Variants in LCORL observed in about 807,000 individuals in gnomAD.
The protein encoded by LCORL is ligand dependent nuclear receptor corepressor like.
In LCORL, 41 loss-of-function variants were observed where a neutral mutation model predicts 141.8. The ratio of observed to expected loss-of-function variants is 0.29; its 90% CI spans 0.23 to 0.38. LCORL has a LOEUF of 0.38. Among genes scored for constraint, LCORL ranks in the 10% least tolerant of loss-of-function variants. LCORL has a pLI of 1.00. For missense variants in LCORL, 1,759 were observed against 2,035.0 expected, an observed-to-expected ratio of 0.86 and a Z score of 2.61; for synonymous variants, 618 against 694.1, an observed-to-expected ratio of 0.89 and a Z score of 1.72.
chr4:17,947,516 A>G (rs1300402667), intron 4 of LCORL, among the ~76,000 whole-genome samples: 1 of 151,924 alleles, frequency 6.6e-6, no homozygotes, highest in East Asian at 1.9e-4. Context: ...TTAAAAATAG[A>G]GTACTATACC....
rs1275772877 is a variant in LCORL, at chr4:17,880,883, A to G, written c.777-2670T>C. On this transcript the variant is annotated intron_variant, in intron 6 of 7. Transcript: ENST00000635767. The stretch of plus-strand genomic sequence containing the variant: ...GAATTATAGTGCAATTGATTTATGC[A>G]TAAATATAACTAATTGCCTAACAAT... 3.4e-6 allele frequency: 3 copies of G among 889,090 alleles called. No individual in the cohort carries two copies. The African/African-American group carries it at 5.4e-5, about 16-fold the overall frequency. 55.1% of individuals were successfully genotyped at this position (889,090 alleles called of 1,614,324 possible).
At chr4:17,966,155 C>T (rs1252929352) in intron 2 of LCORL, among the ~76,000 whole-genome samples, 2 of 152,000 alleles carry the variant, frequency 1.3e-5, no homozygotes, top group East Asian at 3.9e-4. Context: ...CAATGATTAA[C>T]ATTTTGTTAT....
intron 5 of LCORL, among the ~76,000 whole-genome samples, chr4:17,902,533 T>C (rs1310326343): frequency 2.0e-5 from 3 of 152,174 alleles, no homozygotes; most frequent in Admixed American, 6.6e-5. Context: ...AAAAACTGTT[T>C]AGTGATTTCC....
At chr4:17,916,477 C>A (rs1733435467) in intron 4 of LCORL, among the ~76,000 whole-genome samples, 1 of 151,922 alleles carries the variant, frequency 6.6e-6, no homozygotes, top group African/African-American at 2.4e-5. Context: ...AAGTCTGGGA[C>A]CTCCTCTCTC....
At chr4:17,857,450 G>A (rs1189715493) in intron 7 of LCORL, among the ~76,000 whole-genome samples, 1 of 152,150 alleles carries the variant, frequency 6.6e-6, no homozygotes, top group Admixed American at 6.5e-5. Flanking sequence ...CTGACACATG[G>A]AGCATTTGGT....
chr4:17,858,572 T>A (rs1448895176), intron 7 of LCORL, among the ~76,000 whole-genome samples: 1 of 146,272 alleles, frequency 6.8e-6, no homozygotes, highest in Non-Finnish European at 1.5e-5. Flanking sequence ...AAAAAAAAAA[T>A]ACAAAATTAG....
exon 8 of LCORL, chr4:17,843,082 G>A (rs920411143): frequency 7.6e-6 from 3 of 396,742 alleles, no homozygotes; most frequent in African/African-American, 4.1e-5. Flanking sequence ...TTCTGTTATA[G>A]TATATAAAAT....
intron 5 of LCORL, among the ~76,000 whole-genome samples, chr4:17,906,497 G>A (rs1411146156): frequency 3.9e-5 from 6 of 152,032 alleles, no homozygotes; most frequent in South Asian, 2.1e-4. Flanking sequence ...AAGAAGACTA[G>A]TTATAGATTT....
At position 17,943,812 on chromosome 4, in the gene LCORL, G is replaced by T. The variant is rs536762331; in HGVS notation, c.430+18091C>A. Among the ~76,000 whole-genome samples, 4 of 152,110 alleles carry T rather than the reference G, an allele frequency of 2.6e-5. No homozygotes were observed. The South Asian group carries it at 8.3e-4, about 32-fold the overall frequency. Reference sequence around the variant, plus strand: ...AAACATTTTAGGAGTTTTTGGCGGGGGTAGGTTAAGGGGTACAGACACATT... The same window carrying T: ...AAACATTTTAGGAGTTTTTGGCGGGTGTAGGTTAAGGGGTACAGACACATT... On this transcript the variant is annotated intron_variant, in intron 4 of 7. Coordinates refer to ENST00000635767, the Ensembl canonical transcript of LCORL.
chr4:17,863,122 C>G (rs1725197086), intron 7 of LCORL, among the ~76,000 whole-genome samples: 1 of 152,122 alleles, frequency 6.6e-6, no homozygotes, highest in African/African-American at 2.4e-5. Flanking sequence ...TCGAGACCAG[C>G]CCGGTCAACA....
In LCORL at chr4:17,877,712, T is replaced by C. The variant is rs1488529380; in HGVS notation, c.1278A>G (p.Ser426=). 6 of 1,230,534 alleles carry C rather than the reference T, an allele frequency of 4.9e-6. No individual in the cohort carries two copies. In the African/African-American group the frequency reaches 9.3e-5, roughly 19 times the overall value. 76.2% of individuals were successfully genotyped at this position (1,230,534 alleles called of 1,614,324 possible). A position where few individuals can be genotyped will look rare whatever the true frequency, so the allele number is the denominator to read the frequency against. Residue 426 remains serine (S), a synonymous_variant, in exon 7 of 8, where the codon TCA becomes TCG. Transcript: ENST00000635767. ...ATCTACAGGCATCTTTAAGAGTGAC[T>C]GAAAGATCACATACTTCCTTTGACA...
intron 1 of LCORL, among the ~76,000 whole-genome samples, chr4:17,987,139 G>A (rs1719116903): frequency 6.6e-6 from 1 of 152,042 alleles, no homozygotes; most frequent in Admixed American, 6.6e-5. Context: ...TTTATCTGAA[G>A]CACCATTCAT....
chr4:17,895,504 C>G (rs900904309), intron 5 of LCORL, among the ~76,000 whole-genome samples: 1 of 152,138 alleles, frequency 6.6e-6, no homozygotes, highest in African/African-American at 2.4e-5. Context: ...TTTTTATTGG[C>G]TGAAATAGTA....
rs1726630658 is a variant in LCORL at position 17,873,791 on chromosome 4, C to T, written c.5199G>A (p.Lys1733=). The change falls in exon 7 of 8, where the codon AAG becomes AAA. Residue 1733 remains lysine (K), a synonymous_variant. Coordinates refer to ENST00000635767, the Ensembl canonical transcript of LCORL. ...TATTTCTGTGTTCAAGACAGTTGAG[C>T]TTCCTCAAAAATATTCTACAGTCTT... 7.3e-6 allele frequency: 9 copies of T among 1,233,920 alleles called. No individual in the cohort carries two copies. In the South Asian group the frequency reaches 2.0e-4, roughly 28 times the overall value. 76.4% of individuals were successfully genotyped at this position (1,233,920 alleles called of 1,614,324 possible). A position where few individuals can be genotyped will look rare whatever the true frequency, so the allele number is the denominator to read the frequency against.
chr4:17,897,739 C>CT (rs1319087814), intron 5 of LCORL, among the ~76,000 whole-genome samples: 1 of 152,138 alleles, frequency 6.6e-6, no homozygotes, highest in African/African-American at 2.4e-5. Flanking sequence ...ACCTGGGAAC[C>CT]TTTAACATTG....
chr4:17,987,941 T>G (rs1008195243), intron 1 of LCORL, among the ~76,000 whole-genome samples: 2 of 152,192 alleles, frequency 1.3e-5, no homozygotes, highest in African/African-American at 4.8e-5. Context: ...TGTCTTTTTC[T>G]TGATACAGGA....
At chr4:17,853,421 T>A (rs1724003003) in intron 7 of LCORL, among the ~76,000 whole-genome samples, 1 of 152,136 alleles carries the variant, frequency 6.6e-6, no homozygotes, top group East Asian at 1.9e-4. Flanking sequence ...TAGCAGCTAC[T>A]CATATCCTTC....
rs551543659 is a variant in LCORL at position 17,912,812 on chromosome 4, C to A, written c.431-3467G>T. ...GGTCCTGCCAAACATCAAGGTCAAG[C>A]TGGAGGCTAAGATCGACACCTGCTG... is the stretch of plus-strand genomic sequence containing the variant. On this transcript the variant is annotated intron_variant, in intron 4 of 7. Coordinates refer to ENST00000635767, the Ensembl canonical transcript of LCORL. 4.3e-3 allele frequency: 1,878 copies of A among 432,844 alleles called. 9 individuals carry two copies. Among genetic ancestry groups the A allele is most frequent in the Non-Finnish European group, 5.9e-3 (1,303 of 220,728 alleles). The allele number at this position is 432,844 out of a possible 1,614,324, so 26.8% of individuals were successfully genotyped here.
chr4:17,878,281 A>C (rs1727122799), intron 6 of LCORL, 68 bp from the exon 7 acceptor site: 5 of 1,084,258 alleles, frequency 4.6e-6, no homozygotes, highest in Non-Finnish European at 5.9e-6. Flanking sequence ...TATAATTTTA[A>C]CAGTGTTTGA....
Sources: allele counts gnomAD v4.1 joint callset (sites outside exome capture counted in the v4.1 genomes callset), GRCh38; gene constraint gnomAD v4.1.1; transcripts MANE v1.5; gene names NCBI Gene and HGNC (gene_info 2026-07-23, HGNC 2026-07-21).